The following IPCEF1 variants were observed in gnomAD, a reference collection of about 807,000 sequenced individuals.
The protein encoded by IPCEF1 is interaction protein for cytohesin exchange factors 1, also known as interactor protein for cytohesin exchange factors 1.
A neutral mutation model predicts 50.9 loss-of-function variants in IPCEF1; 31 were observed. The ratio of observed to expected loss-of-function variants is 0.61; its 90% CI spans 0.46 to 0.82. The LOEUF (loss-of-function observed/expected upper bound fraction) is 0.82, where lower values mean the gene tolerates loss of function less well. Ranked by LOEUF, IPCEF1 falls within the 40% of genes least tolerant of loss-of-function variation. IPCEF1 has a pLI of 0.00. For missense variants in IPCEF1, 458 were observed against 514.0 expected (o/e 0.89, Z 1.05); for synonymous variants, 181 against 192.0 (o/e 0.94, Z 0.47).
chr6:154,235,225 A>G (rs1269920609), intron 5 of IPCEF1, among the ~76,000 whole-genome samples: 1 of 152,234 alleles, frequency 6.6e-6, no homozygotes, highest in African/African-American at 2.4e-5. Flanking sequence ...ATTCTCTTTG[A>G]ATATTAGAGA....
In IPCEF1 at chr6:154,245,999, C is replaced by T. The variant is rs944215022; in HGVS notation, c.246+592G>A. ...TATCTTTTCAAATGTTGTCTAAGCA[C>T]GACTAGTTTAATGCCATCACAGAGC... On this transcript the variant is annotated intron_variant, in intron 5 of 11. Coordinates refer to ENST00000367220, the MANE Select transcript of IPCEF1 (RefSeq NM_001130700.2). Among the ~76,000 whole-genome samples the T allele has an allele frequency of 5.9e-5, 9 of 152,140 alleles. 1 individual carries two copies. In the South Asian group the frequency reaches 8.3e-4, roughly 14 times the overall value.
At chr6:154,219,985 AGTGTGTGTGTGTGTGTGT>A (rs57450665) in intron 7 of IPCEF1, among the ~76,000 whole-genome samples, 14 of 140,136 alleles carry the variant, frequency 1.0e-4, no homozygotes, top group Admixed American at 1.4e-4. Flanking sequence ...ACCTGTAAGG[AGTGTGTGTGTGTGTGTGT>A]GTGTGTGTGT....
chr6:154,352,215 G>A (rs1217033107), intron 1 of IPCEF1, among the ~76,000 whole-genome samples: 1 of 152,174 alleles, frequency 6.6e-6, no homozygotes, highest in African/African-American at 2.4e-5. Flanking sequence ...AAATAAAAGT[G>A]CAGATCACAG....
intron 1 of IPCEF1, among the ~76,000 whole-genome samples, chr6:154,312,295 G>A (rs917982535): frequency 1.3e-5 from 2 of 152,148 alleles, no homozygotes; most frequent in African/African-American, 4.8e-5. Context: ...GTATAATGGT[G>A]GTTGTCAGGG....
chr6:154,348,357 A>G (rs1784069505), intron 1 of IPCEF1, among the ~76,000 whole-genome samples: 1 of 152,154 alleles, frequency 6.6e-6, no homozygotes. Context: ...GAAAACTGTG[A>G]GTGTATTTGA....
At chr6:154,228,714 T>C (rs1027563822) in intron 5 of IPCEF1, among the ~76,000 whole-genome samples, 22 of 152,156 alleles carry the variant, frequency 1.4e-4, no homozygotes, top group Non-Finnish European at 2.9e-4. Context: ...TCTAGAGTAT[T>C]TGTCTCCTTT....
intron 1 of IPCEF1, among the ~76,000 whole-genome samples, chr6:154,292,099 G>A (rs1382732920): frequency 6.6e-6 from 1 of 152,146 alleles, no homozygotes; most frequent in Non-Finnish European, 1.5e-5. Flanking sequence ...TTTAAATCCT[G>A]GATTTAATCA....
At chr6:154,331,389 A>C (rs1783660301) in intron 1 of IPCEF1, among the ~76,000 whole-genome samples, 1 of 138,058 alleles carries the variant, frequency 7.2e-6, no homozygotes, top group Non-Finnish European at 1.6e-5. Context: ...GAAAGAAAGA[A>C]AGAAAGAAAG....
At chr6:154,268,614 A>G (rs1348782201) in intron 2 of IPCEF1, among the ~76,000 whole-genome samples, 1 of 151,968 alleles carries the variant, frequency 6.6e-6, no homozygotes, top group East Asian at 1.9e-4. Context: ...ATATCCCTAC[A>G]ATGGTCATTG....
At chr6:154,280,126 T>C (rs1442232300) in intron 2 of IPCEF1, among the ~76,000 whole-genome samples, 1 of 152,210 alleles carries the variant, frequency 6.6e-6, no homozygotes, top group Non-Finnish European at 1.5e-5. Context: ...TTTGGAAAAG[T>C]GTTTGGCAAC....
intron 6 of IPCEF1, 132 bp downstream of exon 6, chr6:154,223,038 C>A (rs912461417): frequency 2.7e-5 from 20 of 743,976 alleles, no homozygotes; most frequent in Non-Finnish European, 4.4e-5. Flanking sequence ...GGGTGCCAAC[C>A]CATAATGCTT....
intron 10 of IPCEF1, among the ~76,000 whole-genome samples, chr6:154,181,611 A>G (rs973291699): frequency 3.9e-5 from 6 of 152,222 alleles, no homozygotes; most frequent in Non-Finnish European, 7.3e-5. Flanking sequence ...AACTGGACAG[A>G]CCAAGGCTCA....
Position 154,199,652 on chromosome 6 carries a change from T to C in IPCEF1, c.910+16A>G. The C allele has an allele frequency of 6.4e-7, 1 of 1,569,352 alleles. No homozygotes were observed. On this transcript the variant is annotated intron_variant, in intron 10 of 11. Coordinates refer to ENST00000367220, the MANE Select transcript of IPCEF1 (RefSeq NM_001130700.2). ...TATTCACTCTCTAACGAAGAATAAATAATTTATTGGTTTACCTTTGTCCAT... is the reference window on the plus strand; with the variant it reads ...TATTCACTCTCTAACGAAGAATAAACAATTTATTGGTTTACCTTTGTCCAT...
intron 2 of IPCEF1, among the ~76,000 whole-genome samples, chr6:154,281,865 G>A (rs1469924447): frequency 1.3e-5 from 2 of 152,096 alleles, no homozygotes; most frequent in Non-Finnish European, 2.9e-5. Flanking sequence ...TTAGCCAGAT[G>A]TGGTGGCACA....
At chr6:154,291,659 T>C (rs185745041) in intron 1 of IPCEF1, among the ~76,000 whole-genome samples, 3 of 149,494 alleles carry the variant, frequency 2.0e-5, no homozygotes, top group Non-Finnish European at 4.4e-5. Context: ...TAGTTATTAA[T>C]AATGATCACA....
chr6:154,352,024 G>A (rs2128702154), intron 1 of IPCEF1, among the ~76,000 whole-genome samples: 1 of 152,310 alleles, frequency 6.6e-6, no homozygotes, highest in Non-Finnish European at 1.5e-5. Flanking sequence ...TAAGCTAATG[G>A]ATGCTGGGCT....
At chr6:154,350,061 G>A (rs1325435669) in intron 1 of IPCEF1, among the ~76,000 whole-genome samples, 1 of 152,136 alleles carries the variant, frequency 6.6e-6, no homozygotes, top group Non-Finnish European at 1.5e-5. Context: ...TATTTATGCT[G>A]TCATTAAAGT....
At chr6:154,192,327 TG>T (rs2128582335) in intron 10 of IPCEF1, among the ~76,000 whole-genome samples, 1 of 142,420 alleles carries the variant, frequency 7.0e-6, no homozygotes, top group East Asian at 1.9e-4. Flanking sequence ...ACTGTGTGTG[TG>T]TGTGTGTGTG....
chr6:154,345,918 T>C (rs1784019307), intron 1 of IPCEF1, among the ~76,000 whole-genome samples: 1 of 152,064 alleles, frequency 6.6e-6, no homozygotes, highest in African/African-American at 2.4e-5. Flanking sequence ...CAGGTTAGAG[T>C]GTAGTGGTGC....
Sources: gnomAD v4.1 joint callset for allele counts (sites outside exome capture counted in the v4.1 genomes callset) on GRCh38, gnomAD v4.1.1 for gene constraint, MANE v1.5 for transcripts, NCBI Gene and HGNC (gene_info 2026-07-23, HGNC 2026-07-21) for gene names.